Variants in ZNF827 observed in about 807,000 individuals in gnomAD.
ZNF827 encodes zinc finger protein 827.
Under a neutral mutation model 102.4 loss-of-function variants are expected in ZNF827, and 13 were observed. The observed-to-expected ratio is 0.13, with a 90% CI of 0.08 to 0.20. The LOEUF (loss-of-function observed/expected upper bound fraction) is 0.20, where lower values mean the gene tolerates loss of function less well. Ranked by LOEUF, ZNF827 falls within the 10% of genes least tolerant of loss-of-function variation. The pLI, the probability that ZNF827 is intolerant of heterozygous loss-of-function variation, is 1.00. For missense variants in ZNF827, 1,103 were observed against 1,344.4 expected (o/e 0.82, Z 2.81); for synonymous variants, 523 against 536.2 (o/e 0.98, Z 0.34).
intron 1 of ZNF827, among the ~76,000 whole-genome samples, chr4:145,918,848 G>A (rs892325410): frequency 6.6e-6 from 1 of 152,222 alleles, no homozygotes; most frequent in African/African-American, 2.4e-5. Flanking sequence ...CACTGTTTTA[G>A]ATGACCTCAG....
intron 2 of ZNF827, among the ~76,000 whole-genome samples, chr4:145,892,648 C>T (rs1176680819): frequency 1.4e-5 from 2 of 147,298 alleles, no homozygotes; most frequent in Middle Eastern, 3.4e-3. Flanking sequence ...TCTGATCATC[C>T]TGCCTTGTGA....
At chr4:145,871,850 G>T (rs928856841) in intron 4 of ZNF827, among the ~76,000 whole-genome samples, 7 of 152,068 alleles carry the variant, frequency 4.6e-5, no homozygotes, top group African/African-American at 1.7e-4. Flanking sequence ...GAAGCCCAAA[G>T]AACTATCTGG....
At chr4:145,849,261 G>A (rs1686234085) in intron 6 of ZNF827, 61 bp downstream of exon 6, 2 of 1,567,820 alleles carry the variant, frequency 1.3e-6, no homozygotes, top group Non-Finnish European at 1.7e-6. Context: ...AAAAAACTGT[G>A]TTAGAAGGGT....
chr4:145,874,343 T>C (rs975559281), intron 4 of ZNF827, among the ~76,000 whole-genome samples: 1 of 152,226 alleles, frequency 6.6e-6, no homozygotes. Flanking sequence ...AATGTAAATA[T>C]AGCTAATGAC....
intron 8 of ZNF827, among the ~76,000 whole-genome samples, chr4:145,794,921 A>C (rs965190590): frequency 1.3e-5 from 2 of 152,178 alleles, no homozygotes; most frequent in Admixed American, 6.5e-5. Context: ...TTTCAAGCAG[A>C]CTGGCACCTT....
At chr4:145,921,182 G>A (rs369518192) in intron 1 of ZNF827, among the ~76,000 whole-genome samples, 7 of 152,178 alleles carry the variant, frequency 4.6e-5, no homozygotes, top group African/African-American at 9.6e-5. Flanking sequence ...AAAAGAATAC[G>A]CCAAGAAAAG....
chr4:145,774,704 G>A (rs1302927032), intron 10 of ZNF827, 32 bp from the exon 11 acceptor site: 2 of 1,602,954 alleles, frequency 1.2e-6, no homozygotes, highest in East Asian at 2.2e-5. Context: ...AAGAGGGGGA[G>A]AGAAAAGGGT....
At chr4:145,803,827 G>C (rs1259150832) in intron 8 of ZNF827, among the ~76,000 whole-genome samples, 1 of 152,206 alleles carries the variant, frequency 6.6e-6, no homozygotes, top group African/African-American at 2.4e-5. Flanking sequence ...AACGCATTCA[G>C]AGTGTGCTAA....
At chr4:145,795,100 C>T (rs1740240235) in intron 8 of ZNF827, among the ~76,000 whole-genome samples, 1 of 152,162 alleles carries the variant, frequency 6.6e-6, no homozygotes, top group Admixed American at 6.5e-5. Flanking sequence ...GGTGTCCTCA[C>T]AGGGTCACGC....
At chr4:145,840,877 C>T (rs1309227760) in intron 7 of ZNF827, among the ~76,000 whole-genome samples, 1 of 152,188 alleles carries the variant, frequency 6.6e-6, no homozygotes, top group Non-Finnish European at 1.5e-5. Context: ...TTTTAGTAAA[C>T]ACTATGTGCC....
rs956158419 is a variant in ZNF827 at position 145,761,234 on chromosome 4, G to A, written c.*382C>T. 1.6e-6 allele frequency: 2 copies of A among 1,289,888 alleles called. No individual in the cohort carries two copies. The highest frequency in any genetic ancestry group is 2.0e-6 in the Non-Finnish European group (2 of 988,884). The allele number at this position is 1,289,888 out of a possible 1,614,324, so 79.9% of individuals were successfully genotyped here. A position where few individuals can be genotyped will look rare whatever the true frequency, so the allele number is the denominator to read the frequency against. On this transcript the variant is annotated 3_prime_UTR_variant, in exon 15 of 15. Transcript: ENST00000508784. The surrounding 1 kb of genome is among the most constrained non-coding windows in gnomAD (Gnocchi z 6.8). ...ACGTGGCGGCTGAAGACGAAAGGGTGTGTGGTCTTGAACAGGCACTCTTCG... is the reference window on the plus strand; with the variant it reads ...ACGTGGCGGCTGAAGACGAAAGGGTATGTGGTCTTGAACAGGCACTCTTCG...
At chr4:145,871,704 T>G (rs986607071) in intron 4 of ZNF827, among the ~76,000 whole-genome samples, 1 of 152,174 alleles carries the variant, frequency 6.6e-6, no homozygotes, top group African/African-American at 2.4e-5. Flanking sequence ...AGCAAACATC[T>G]ATCACCCCTT....
intron 1 of ZNF827, among the ~76,000 whole-genome samples, chr4:145,917,471 A>G (rs1752740745): frequency 6.6e-6 from 1 of 152,098 alleles, no homozygotes; most frequent in Admixed American, 6.5e-5. Context: ...CTCCCATGAT[A>G]ATAATATTAA....
At chr4:145,832,312 CA>C (rs1286661950) in intron 7 of ZNF827, 1 of 138,662 alleles carries the variant, frequency 7.2e-6, no homozygotes, top group African/African-American at 3.0e-5. Flanking sequence ...CACACACACA[CA>C]CACACACACA....
intron 1 of ZNF827, among the ~76,000 whole-genome samples, chr4:145,938,122 A>AGTG (rs1554015029): frequency 6.9e-6 from 1 of 145,396 alleles, no homozygotes; most frequent in Non-Finnish European, 1.5e-5. Context: ...AAGGAAAAAA[A>AGTG]GGGGGGGGGT....
Position 145,779,435 on chromosome 4 carries a change from G to A in ZNF827, c.2460C>T (p.Asp820=), listed in dbSNP as rs565610282. 4.5e-5 allele frequency: 72 copies of A among 1,614,016 alleles called. No individual in the cohort carries two copies. The highest frequency in any genetic ancestry group is 5.5e-5 in the Non-Finnish European group (65 of 1,179,990). The change falls in exon 9 of 15, where the codon GAC becomes GAT. Residue 820 remains aspartate (D), a synonymous_variant. Transcript: ENST00000508784. ...GTCGGCCAAACACTTTCCCACACAC[G>A]TCACAGGGAAAAAGCTGGTCATTGA... ...WKFNDQLFPC[D]VCGKVFGRQQ...
chr4:145,926,743 T>G (rs1314085352), intron 1 of ZNF827, among the ~76,000 whole-genome samples: 1 of 152,164 alleles, frequency 6.6e-6, no homozygotes, highest in Non-Finnish European at 1.5e-5. Context: ...AATAAATTAA[T>G]AGTTAATATT....
At chr4:145,828,421 G>A (rs552278380) in intron 7 of ZNF827, among the ~76,000 whole-genome samples, 4 of 152,118 alleles carry the variant, frequency 2.6e-5, no homozygotes, top group African/African-American at 4.8e-5. Context: ...AATGGGGAGG[G>A]AATCATCACT....
chr4:145,777,120 C>T (rs1737232484), intron 9 of ZNF827, among the ~76,000 whole-genome samples: 1 of 152,198 alleles, frequency 6.6e-6, no homozygotes, highest in African/African-American at 2.4e-5. Context: ...TTCTTCTCTA[C>T]AAAATATGAG....
Sources: allele counts gnomAD v4.1 joint callset (sites outside exome capture counted in the v4.1 genomes callset), GRCh38; gene constraint gnomAD v4.1.1; non-coding constraint Gnocchi (gnomAD v3.1); transcripts MANE v1.5; gene names NCBI Gene and HGNC (gene_info 2026-07-23, HGNC 2026-07-21).